WWOX: variants seen among roughly 807,000 people sequenced by gnomAD.
WWOX encodes the protein WW domain containing oxidoreductase.
WWOX carries 69 observed loss-of-function variants against 46.2 expected under a neutral mutation model. That is an observed-to-expected ratio of 1.49 (90% CI 1.23 to 1.82). The LOEUF is 1.82. Among genes scored for constraint, WWOX ranks in the 40% most tolerant of loss-of-function variants. The pLI is 0.00. For synonymous variants in WWOX, 359 were observed against 202.6 expected (o/e 1.77, Z -6.56); for missense variants, 919 against 542.6 (o/e 1.69, Z -6.89).
intron 4 of WWOX, among the ~76,000 whole-genome samples, chr16:78,161,753 C>A (rs904133719): frequency 1.2e-4 from 19 of 152,178 alleles, no homozygotes; most frequent in African/African-American, 4.6e-4. Context: ...TCCTTTCTTG[C>A]CTTTTTATCA....
At chr16:79,009,856 C>G (rs1469136) in intron 8 of WWOX, among the ~76,000 whole-genome samples, 22,661 of 152,172 alleles carry the variant, frequency 0.15, 2,027 homozygotes, top group Middle Eastern at 0.26. Flanking sequence ...TCGACCTCAT[C>G]TGGGAAGGTG....
chr16:78,548,062 G>A (rs923113622), intron 8 of WWOX, among the ~76,000 whole-genome samples: 22 of 150,598 alleles, frequency 1.5e-4, no homozygotes, highest in African/African-American at 5.1e-4. Context: ...GGCTGAGGCA[G>A]GAGAATCACT....
intron 8 of WWOX, chr16:79,205,030 C>G (rs1045598530): frequency 2.0e-5 from 3 of 152,168 alleles, no homozygotes; most frequent in African/African-American, 7.2e-5. Context: ...TCTAGCCAGA[C>G]TCGGATTTGG....
intron 8 of WWOX, among the ~76,000 whole-genome samples, chr16:78,544,223 A>G (rs1449683507): frequency 1.3e-5 from 2 of 152,232 alleles, no homozygotes; most frequent in African/African-American, 2.4e-5. Flanking sequence ...ACTGACACTA[A>G]TATTCTCTCT....
chr16:79,116,679 A>G (rs150641220), intron 8 of WWOX, among the ~76,000 whole-genome samples: 9 of 152,096 alleles, frequency 5.9e-5, no homozygotes, highest in African/African-American at 1.9e-4. Flanking sequence ...TTCCTCCACT[A>G]ACTTTTGAAC....
intron 8 of WWOX, among the ~76,000 whole-genome samples, chr16:78,726,168 TCTC>T (rs1221282797): frequency 4.8e-5 from 7 of 146,858 alleles, no homozygotes; most frequent in African/African-American, 1.8e-4. Flanking sequence ...TTTCTGTGTC[TCTC>T]TTTTCTCTCT....
intron 8 of WWOX, among the ~76,000 whole-genome samples, chr16:78,469,390 C>T (rs2084166683): frequency 6.6e-6 from 1 of 151,916 alleles, no homozygotes; most frequent in African/African-American, 2.4e-5. Flanking sequence ...TACATCTCTT[C>T]ACAGGAGCAC....
At chr16:78,984,922 C>A (rs952610494) in intron 8 of WWOX, among the ~76,000 whole-genome samples, 1 of 151,868 alleles carries the variant, frequency 6.6e-6, no homozygotes, top group Middle Eastern at 3.2e-3. Context: ...CATCAAGGTT[C>A]TGGTGTTGAA....
At chr16:78,155,185 G>A (rs1341368715) in intron 4 of WWOX, among the ~76,000 whole-genome samples, 2 of 151,724 alleles carry the variant, frequency 1.3e-5, no homozygotes, top group Non-Finnish European at 2.9e-5. Flanking sequence ...AGGTTGGAAG[G>A]GAGAGAGAGA....
In WWOX at chr16:78,632,783, C is replaced by G. The variant is rs1371351068; in HGVS notation, c.1056+200031C>G. Among the ~76,000 whole-genome samples, 5 of 151,924 alleles carry G rather than the reference C, an allele frequency of 3.3e-5. No homozygotes were observed. The South Asian group carries it at 6.2e-4, about 19-fold the overall frequency. Reference sequence around the variant, plus strand: ...ATGTTGGTCAGACTGGTCTCGAACTCCTGACCTCAGGTGATCCACCCGCCT... The same window carrying G: ...ATGTTGGTCAGACTGGTCTCGAACTGCTGACCTCAGGTGATCCACCCGCCT... On this transcript the variant is annotated intron_variant, in intron 8 of 8. Coordinates refer to ENST00000566780, the MANE Select transcript of WWOX (RefSeq NM_016373.4).
At chr16:78,417,040 G>GTGTGTGTGTGTGTGT (rs1555535317) in intron 6 of WWOX, among the ~76,000 whole-genome samples, 119 of 151,380 alleles carry the variant, frequency 7.9e-4, no homozygotes, top group African/African-American at 2.5e-3. Flanking sequence ...ACCCTTTGGG[G>GTGTGTGTGTGTGTGT]GTGTGTGTGT....
chr16:78,837,922 C>T (rs1342287454), intron 8 of WWOX, among the ~76,000 whole-genome samples: 1 of 152,114 alleles, frequency 6.6e-6, no homozygotes, highest in African/African-American at 2.4e-5. Flanking sequence ...TCCCAGGGAC[C>T]TACCTGCTCA....
At chr16:78,939,871 C>T (rs973449702) in intron 8 of WWOX, among the ~76,000 whole-genome samples, 5 of 152,182 alleles carry the variant, frequency 3.3e-5, no homozygotes, top group South Asian at 4.1e-4. Flanking sequence ...GACGTGTGGA[C>T]GTTGTTTTTG....
At chr16:78,162,792 TA>T (rs1219394846) in intron 4 of WWOX, among the ~76,000 whole-genome samples, 1 of 152,190 alleles carries the variant, frequency 6.6e-6, no homozygotes, top group Non-Finnish European at 1.5e-5. Flanking sequence ...TTTATTGTGT[TA>T]TTTTTTTCTT....
intron 5 of WWOX, among the ~76,000 whole-genome samples, chr16:78,373,286 T>C (rs772710210): frequency 1.4e-4 from 22 of 152,192 alleles, no homozygotes; most frequent in Non-Finnish European, 3.1e-4. Context: ...CACATGGGTG[T>C]CTCTGATTGA....
chr16:78,736,983 A>C (rs1028238927), intron 8 of WWOX, among the ~76,000 whole-genome samples: 43 of 152,122 alleles, frequency 2.8e-4, no homozygotes, highest in Non-Finnish European at 1.2e-4. Flanking sequence ...AACAGATTCC[A>C]ATAAAGAGAC....
chr16:78,832,165 T>C (rs957045945), intron 8 of WWOX, among the ~76,000 whole-genome samples: 2 of 152,158 alleles, frequency 1.3e-5, no homozygotes, highest in Non-Finnish European at 2.9e-5. Context: ...GGGGCTGCAG[T>C]CTCAGAATCC....
intron 8 of WWOX, among the ~76,000 whole-genome samples, chr16:79,070,277 T>TGTGTGTGA (rs2048524817): frequency 7.1e-6 from 1 of 141,842 alleles, no homozygotes; most frequent in Non-Finnish European, 1.5e-5. Context: ...GATGTGTGTG[T>TGTGTGTGA]GTGTGTGTGT....
At chr16:78,782,340 A>G (rs2050349722) in intron 8 of WWOX, among the ~76,000 whole-genome samples, 2 of 151,758 alleles carry the variant, frequency 1.3e-5, no homozygotes, top group African/African-American at 4.8e-5. Context: ...CTGTTTTCCT[A>G]CTTTTCTTTG....
Sources: gnomAD v4.1 joint callset for allele counts (sites outside exome capture counted in the v4.1 genomes callset) on GRCh38, gnomAD v4.1.1 for gene constraint, MANE v1.5 for transcripts, NCBI Gene and HGNC (gene_info 2026-07-23, HGNC 2026-07-21) for gene names.